YWHAB: variants seen among roughly 807,000 people sequenced by gnomAD.
YWHAB encodes tyrosine 3-monooxygenase/tryptophan 5-monooxygenase activation protein beta, also known as 14-3-3 protein beta/alpha.
In YWHAB, 2 loss-of-function variants were observed where a neutral mutation model predicts 28.5. The observed-to-expected ratio is 0.07, with a 90% CI of 0.03 to 0.22. YWHAB has a LOEUF of 0.22. YWHAB is among the 10% of genes least tolerant of loss of function. YWHAB has a pLI of 1.00. For missense variants in YWHAB, 148 were observed against 297.1 expected, an observed-to-expected ratio of 0.50 and a Z score of 3.69; for synonymous variants, 103 against 104.7, an observed-to-expected ratio of 0.98 and a Z score of 0.10.
chr20:44,896,189 T>A (rs192434062), intron 1 of YWHAB, among the ~76,000 whole-genome samples: 3,418 of 152,348 alleles, frequency 0.022, 53 homozygotes, highest in Non-Finnish European at 0.034. Context: ...TAGCTGCATT[T>A]AAAAATTTTT....
chr20:44,887,974 T>A (rs1381513211), intron 1 of YWHAB, among the ~76,000 whole-genome samples: 1 of 152,230 alleles, frequency 6.6e-6, no homozygotes, highest in Non-Finnish European at 1.5e-5. Context: ...GTACACATGT[T>A]GCTTTCAAAA....
At chr20:44,898,702 T>C (rs903155314) in intron 1 of YWHAB, among the ~76,000 whole-genome samples, 2 of 152,000 alleles carry the variant, frequency 1.3e-5, no homozygotes, top group African/African-American at 4.8e-5. Flanking sequence ...GAGACGGGGT[T>C]TCACCGTGTT....
At chr20:44,890,480 G>C (rs2066553913) in intron 1 of YWHAB, among the ~76,000 whole-genome samples, 1 of 145,226 alleles carries the variant, frequency 6.9e-6, no homozygotes, top group Non-Finnish European at 1.5e-5. Context: ...GGTGTCCAAA[G>C]ATACAAGTCT....
chr20:44,889,517 A>T (rs2066548402), intron 1 of YWHAB, among the ~76,000 whole-genome samples: 1 of 147,868 alleles, frequency 6.8e-6, no homozygotes, highest in Non-Finnish European at 1.5e-5. Flanking sequence ...TTTTTCCCGT[A>T]CTGGTTAGTT....
intron 1 of YWHAB, among the ~76,000 whole-genome samples, chr20:44,899,583 T>G (rs1257695468): frequency 6.6e-6 from 1 of 152,252 alleles, no homozygotes; most frequent in African/African-American, 2.4e-5. Flanking sequence ...TTTTATACTG[T>G]GTGGCACAGA....
Position 44,887,278 on chromosome 20 carries a change from T to G in YWHAB, c.-4+1392T>G, listed in dbSNP as rs2066534183. 2.0e-5 allele frequency: 3 copies of G among 152,220 alleles called. No homozygotes were observed. The South Asian group carries it at 6.2e-4, about 31-fold the overall frequency. 9.4% of individuals were successfully genotyped at this position (152,220 alleles called of 1,614,324 possible). ...TCTTATTGGACCTAAGTTAGAAATTTAAGTGTGGCTTTCAAAATGGAAGGC... is the reference window on the plus strand; with the variant it reads ...TCTTATTGGACCTAAGTTAGAAATTGAAGTGTGGCTTTCAAAATGGAAGGC... On this transcript the variant is annotated intron_variant, in intron 1 of 5. Coordinates refer to ENST00000353703, the MANE Select transcript of YWHAB (RefSeq NM_139323.4).
intron 1 of YWHAB, among the ~76,000 whole-genome samples, chr20:44,897,102 A>T (rs2066600487): frequency 6.6e-6 from 1 of 152,178 alleles, no homozygotes; most frequent in African/African-American, 2.4e-5. Flanking sequence ...GGAAATAGGG[A>T]AGGCATATTT....
chr20:44,905,240 T>C, intron 4 of YWHAB, 109 bp downstream of exon 4: 3 of 1,151,062 alleles, frequency 2.6e-6, no homozygotes, highest in South Asian at 1.6e-5. Flanking sequence ...TTGAAAGATT[T>C]TCTGGGGGTG....
intron 4 of YWHAB, 124 bp downstream of exon 4, chr20:44,905,255 T>A: frequency 1.1e-6 from 1 of 944,520 alleles, no homozygotes; most frequent in Non-Finnish European, 1.5e-6. Flanking sequence ...GGGGTGGGAG[T>A]GTATCTTTTA....
chr20:44,903,966 A>G (rs749949175), intron 2 of YWHAB, 27 bp from the exon 3 acceptor site: 12 of 1,588,602 alleles, frequency 7.6e-6, no homozygotes, highest in Non-Finnish European at 9.4e-6. Context: ...GAATAATTCT[A>G]AATTCTTAAC....
intron 1 of YWHAB, among the ~76,000 whole-genome samples, chr20:44,888,295 A>G (rs565639911): frequency 1.3e-5 from 2 of 152,270 alleles, no homozygotes; most frequent in Non-Finnish European, 2.9e-5. Flanking sequence ...GTCTATAATA[A>G]TAGTTACCAC....
intron 1 of YWHAB, among the ~76,000 whole-genome samples, chr20:44,894,651 G>T (rs1325252494): frequency 3.3e-5 from 5 of 152,212 alleles, no homozygotes; most frequent in Non-Finnish European, 7.3e-5. Flanking sequence ...TCGTGGAGAA[G>T]AATAATAGTA....
chr20:44,886,854 T>C (rs2066531213), intron 1 of YWHAB: 1 of 152,240 alleles, frequency 6.6e-6, no homozygotes, highest in African/African-American at 2.4e-5. Flanking sequence ...GTTGCCTTCA[T>C]TGCATTTCTC....
At chr20:44,903,168 C>A in intron 2 of YWHAB, 2 of 876,136 alleles carry the variant, frequency 2.3e-6, no homozygotes, top group Non-Finnish European at 2.7e-6. Context: ...GTATTAGCTA[C>A]TCTTTGAGTG....
intron 4 of YWHAB, 163 bp downstream of exon 4, chr20:44,905,294 T>A (rs974206250): frequency 4.0e-5 from 24 of 595,966 alleles, no homozygotes; most frequent in Admixed American, 1.2e-4. Flanking sequence ...GTTACTTTTT[T>A]AATTCATTCT....
intron 4 of YWHAB, chr20:44,905,703 G>A (rs1463990632): frequency 4.0e-6 from 1 of 247,598 alleles, no homozygotes. Context: ...AAAGTCTTTG[G>A]TAATTAAAAA....
chr20:44,906,560 G>C lies in YWHAB; in HGVS notation c.*122G>C. The C allele has an allele frequency of 2.3e-6, 2 of 851,174 alleles. No individual in the cohort carries two copies. Among genetic ancestry groups the C allele is most frequent in the East Asian group, 2.8e-5 (1 of 35,602 alleles). The allele number at this position is 851,174 out of a possible 1,614,324, so 52.7% of individuals were successfully genotyped here. On this transcript the variant is annotated 3_prime_UTR_variant, in exon 6 of 6. Coordinates refer to ENST00000353703, the MANE Select transcript of YWHAB (RefSeq NM_139323.4). ...GTACGTCGACTTTCGATTTTTCACA[G>C]CCTCAGCCTAGGAAAAATGGTTCAT...
At chr20:44,890,465 C>T (rs1181257074) in intron 1 of YWHAB, among the ~76,000 whole-genome samples, 2 of 148,284 alleles carry the variant, frequency 1.3e-5, no homozygotes, top group African/African-American at 5.0e-5. Context: ...TTGTACTCCA[C>T]ATTGGGTGTC....
intron 1 of YWHAB, chr20:44,887,241 A>T (rs1373158886): frequency 1.3e-5 from 2 of 152,222 alleles, no homozygotes; most frequent in Non-Finnish European, 2.9e-5. Flanking sequence ...GTGTGAGTGT[A>T]AAACCTGTCA....
Sources: gnomAD v4.1 joint callset for allele counts (sites outside exome capture counted in the v4.1 genomes callset) on GRCh38, gnomAD v4.1.1 for gene constraint, MANE v1.5 for transcripts, NCBI Gene and HGNC (gene_info 2026-07-23, HGNC 2026-07-21) for gene names.